Variants in PSMG2 observed in about 807,000 individuals in gnomAD.
PSMG2 encodes CD40 ligand-activated specific transcript 3.
A neutral mutation model predicts 31.5 loss-of-function variants in PSMG2; 21 were observed. That is an observed-to-expected ratio of 0.67 (90% CI 0.47 to 0.96). The LOEUF is 0.96. Ranked by LOEUF, PSMG2 falls within the 40% of genes least tolerant of loss-of-function variation. PSMG2 has a pLI of 0.00. For synonymous variants in PSMG2, 120 were observed against 110.4 expected (o/e 1.09, Z -0.54); for missense variants, 318 against 321.2 (o/e 0.99, Z 0.08).
intron 3 of PSMG2, among the ~76,000 whole-genome samples, chr18:12,716,072 C>T (rs541342910): frequency 6.6e-6 from 1 of 152,166 alleles, no homozygotes; most frequent in Non-Finnish European, 1.5e-5. Context: ...TGGAAGTAGC[C>T]ATAGTTCATT....
At chr18:12,716,621 CCTGA>C (rs1396783025) in intron 3 of PSMG2, among the ~76,000 whole-genome samples, 1 of 152,022 alleles carries the variant, frequency 6.6e-6, no homozygotes, top group Non-Finnish European at 1.5e-5. Flanking sequence ...GTCTCGATCT[CCTGA>C]CCTTGTGATC....
intron 3 of PSMG2, among the ~76,000 whole-genome samples, chr18:12,716,151 T>C (rs1415090585): frequency 6.6e-6 from 1 of 152,256 alleles, no homozygotes; most frequent in African/African-American, 2.4e-5. Flanking sequence ...CTTTTGATGC[T>C]ACATTTGATT....
chr18:12,714,521 T>C (rs1307376900), intron 3 of PSMG2, among the ~76,000 whole-genome samples: 1 of 150,636 alleles, frequency 6.6e-6, no homozygotes, highest in Non-Finnish European at 1.5e-5. Flanking sequence ...ACAGGGTCTC[T>C]CTTGCTCTGT....
intron 3 of PSMG2, among the ~76,000 whole-genome samples, chr18:12,713,161 A>G (rs1343514986): frequency 6.6e-6 from 1 of 152,144 alleles, no homozygotes; most frequent in African/African-American, 2.4e-5. Flanking sequence ...TTGAGTGCAA[A>G]CCAGTGTCAT....
upstream of PSMG2, chr18:12,699,041 G>C: frequency 6.2e-7 from 1 of 1,613,916 alleles, no homozygotes. Context: ...ACAGGCACAT[G>C]GAACAGGTTT....
rs370201911 is a variant in PSMG2 at position 12,724,595 on chromosome 18, G to A, written c.678G>A (p.Glu226=). 1.9e-5 allele frequency: 31 copies of A among 1,607,112 alleles called. No individual in the cohort carries two copies. The highest frequency in any genetic ancestry group is 4.0e-5 in the African/African-American group (3 of 74,498). Residue 226 remains glutamate (E), a synonymous_variant, in exon 6 of 7, where the codon GAG becomes GAA. Coordinates refer to ENST00000317615, the MANE Select transcript of PSMG2 (RefSeq NM_020232.5). ...DALGLVEYLN[E]WLQILKPLSD... is the part of the protein sequence containing the mutation. ...TAGGTCTTGTTGAGTATCTTAATGA[G>A]TGGCTTCAGATACTCAAACCACTTG...
chr18:12,684,338 C>T (rs747555605), intron 1 of PSMG2: 2 of 151,992 alleles, frequency 1.3e-5, no homozygotes, highest in Admixed American at 6.6e-5. Context: ...TTGTCTGGAA[C>T]TTCTGGGCTC....
intron 1 of PSMG2, among the ~76,000 whole-genome samples, chr18:12,703,594 G>A (rs113255294): frequency 6.6e-6 from 1 of 152,114 alleles, no homozygotes; most frequent in African/African-American, 2.4e-5. Context: ...CAGTTTTATC[G>A]CTCTTTATAT....
intron 1 of PSMG2, among the ~76,000 whole-genome samples, chr18:12,671,638 C>CTTTTTTTTT (rs955356870): frequency 1.2e-5 from 1 of 82,930 alleles, no homozygotes; most frequent in Non-Finnish European, 2.7e-5. Context: ...AGGTTTCACA[C>CTTTTTTTTT]TTTCTTTTTT....
intron 1 of PSMG2, chr18:12,678,079 T>C: frequency 6.5e-7 from 1 of 1,546,466 alleles, no homozygotes; most frequent in South Asian, 1.1e-5. Flanking sequence ...AAAAGAAGTA[T>C]GAAACTACAA....
intron 1 of PSMG2, among the ~76,000 whole-genome samples, chr18:12,705,576 AGTGTGTGT>A (rs548642491): frequency 7.7e-6 from 1 of 129,678 alleles, no homozygotes; most frequent in Non-Finnish European, 1.6e-5. Flanking sequence ...AGAGAGAGAG[AGTGTGTGT>A]GTGTGTGTGT....
chr18:12,703,616 T>TTA (rs1432996747), intron 1 of PSMG2, among the ~76,000 whole-genome samples: 1 of 152,196 alleles, frequency 6.6e-6, no homozygotes, highest in Non-Finnish European at 1.5e-5. Flanking sequence ...CATTCATTGT[T>TTA]TTAATAAAGT....
chr18:12,659,161 A>G (rs958826819), intron 1 of PSMG2, among the ~76,000 whole-genome samples: 3 of 152,238 alleles, frequency 2.0e-5, no homozygotes, highest in Admixed American at 6.5e-5. Flanking sequence ...GAAAGCATCA[A>G]CCAAATAGGC....
intron 3 of PSMG2, among the ~76,000 whole-genome samples, chr18:12,717,143 C>T (rs990517433): frequency 2.0e-5 from 3 of 150,268 alleles, no homozygotes; most frequent in Admixed American, 6.7e-5. Flanking sequence ...GTAACAGGGT[C>T]TCACTATATT....
intron 1 of PSMG2, among the ~76,000 whole-genome samples, chr18:12,669,352 T>C (rs1381327250): frequency 1.3e-5 from 2 of 151,954 alleles, no homozygotes. Context: ...CCTCAGGTGA[T>C]CCGCCCGCCT....
chr18:12,671,104 A>G (rs2038930366), intron 1 of PSMG2: 1 of 149,328 alleles, frequency 6.7e-6, no homozygotes, highest in South Asian at 2.1e-4. Context: ...AAAATAAAAC[A>G]AAGTAGATTT....
At chr18:12,676,407 T>C (rs1445711742) in intron 1 of PSMG2, among the ~76,000 whole-genome samples, 1 of 150,880 alleles carries the variant, frequency 6.6e-6, no homozygotes, top group African/African-American at 2.4e-5. Flanking sequence ...TCCGAGTATC[T>C]GGGACTACAG....
intron 1 of PSMG2, chr18:12,697,208 T>C (rs749366947): frequency 4.2e-5 from 66 of 1,558,912 alleles, no homozygotes; most frequent in Non-Finnish European, 5.5e-5. Flanking sequence ...AACAATGATA[T>C]ATTAATCACC....
chr18:12,690,587 C>T lies in PSMG2; in HGVS notation c.-36-15963C>T, dbSNP rs376811422. ...TCTCCTGCCTCAGCCTCCCGAGTAGCTGCGACTATAGGAGCCCGCCATCAC... is the reference window on the plus strand; with the variant it reads ...TCTCCTGCCTCAGCCTCCCGAGTAGTTGCGACTATAGGAGCCCGCCATCAC... On this transcript the variant is annotated intron_variant, in intron 1 of 6. Transcript: ENST00000585331. 1.5e-3 allele frequency among the ~76,000 whole-genome samples: 226 copies of T among 152,138 alleles called. 1 individual carries two copies. The highest frequency in any genetic ancestry group is 5.1e-3 in the African/African-American group (211 of 41,500).
Sources: gnomAD v4.1 joint callset for allele counts (sites outside exome capture counted in the v4.1 genomes callset) on GRCh38, gnomAD v4.1.1 for gene constraint, MANE v1.5 for transcripts, NCBI Gene and HGNC (gene_info 2026-07-23, HGNC 2026-07-21) for gene names.